The following FAM169A variants were observed in gnomAD, a reference collection of about 807,000 sequenced individuals.
The protein encoded by FAM169A is soluble lamin-associated protein of 75 kDa.
In FAM169A, 24 loss-of-function variants were observed where a neutral mutation model predicts 75.7. The ratio of observed to expected loss-of-function variants is 0.32; its 90% CI spans 0.23 to 0.45. The LOEUF (loss-of-function observed/expected upper bound fraction) is 0.45. Among genes scored for constraint, FAM169A ranks in the 20% least tolerant of loss-of-function variants. The pLI, the probability that FAM169A is intolerant of heterozygous loss-of-function variation, is 1.00. For missense variants in FAM169A, 673 were observed against 784.0 expected, an observed-to-expected ratio of 0.86 and a Z score of 1.69; for synonymous variants, 271 against 271.0, an observed-to-expected ratio of 1.00 and a Z score of 0.00.
chr5:74,844,039 T>C (rs1041026055), intron 1 of FAM169A, among the ~76,000 whole-genome samples: 8 of 152,142 alleles, frequency 5.3e-5, no homozygotes, highest in African/African-American at 1.9e-4. Context: ...CTCAGTTTCT[T>C]CCAAATATAT....
At chr5:74,818,351 A>G (rs887030869) in intron 5 of FAM169A, among the ~76,000 whole-genome samples, 3 of 152,210 alleles carry the variant, frequency 2.0e-5, no homozygotes, top group Admixed American at 1.3e-4. Context: ...AGTGGTTTCA[A>G]GGGACTGTGG....
At chr5:74,788,354 G>C (rs1745801599) in intron 11 of FAM169A, among the ~76,000 whole-genome samples, 1 of 152,108 alleles carries the variant, frequency 6.6e-6, no homozygotes, top group African/African-American at 2.4e-5. Flanking sequence ...GGTGGGGTGA[G>C]GGCTATTATG....
At chr5:74,808,584 T>A (rs1747009530) in intron 6 of FAM169A, among the ~76,000 whole-genome samples, 1 of 152,178 alleles carries the variant, frequency 6.6e-6, no homozygotes, top group South Asian at 2.1e-4. Flanking sequence ...ACACTGTGCA[T>A]AAGAGCCACT....
chr5:74,843,217 T>G (rs2112682637), intron 1 of FAM169A, among the ~76,000 whole-genome samples: 1 of 152,160 alleles, frequency 6.6e-6, no homozygotes. Context: ...TTCCTGAAAG[T>G]GAACAAGACA....
intron 5 of FAM169A, among the ~76,000 whole-genome samples, chr5:74,832,869 A>G (rs1025545410): frequency 6.6e-6 from 1 of 152,008 alleles, no homozygotes; most frequent in African/African-American, 2.4e-5. Flanking sequence ...GGAAAGAACT[A>G]AAATAGTAAA....
At position 74,778,581 on chromosome 5, in the gene FAM169A, A is replaced by C. The variant is rs2112436526; in HGVS notation, c.*2879T>G. 1 of 133,924 alleles carries C rather than the reference A, an allele frequency of 7.5e-6. No homozygotes were observed. The highest frequency in any genetic ancestry group is 1.5e-5 in the Non-Finnish European group (1 of 65,790). The allele number at this position is 133,924 out of a possible 1,614,324, so 8.3% of individuals were successfully genotyped here. A position where few individuals can be genotyped will look rare whatever the true frequency, so the allele number is the denominator to read the frequency against. On this transcript the variant is annotated 3_prime_UTR_variant, in exon 13 of 13. Coordinates refer to ENST00000687041, the MANE Select transcript of FAM169A (RefSeq NM_001376049.1). Reference sequence around the variant, plus strand: ...AAGTAGAAGACTGACGTTCTAAATCATGCTGTTTGATTTTATAAAAAAATC... The same window carrying C: ...AAGTAGAAGACTGACGTTCTAAATCCTGCTGTTTGATTTTATAAAAAAATC...
At chr5:74,831,890 T>C (rs533812554) in intron 5 of FAM169A, among the ~76,000 whole-genome samples, 43 of 152,228 alleles carry the variant, frequency 2.8e-4, no homozygotes, top group African/African-American at 1.0e-3. Flanking sequence ...TAACCATGAC[T>C]TGAAATCAGT....
chr5:74,795,845 A>T (rs553664096), intron 11 of FAM169A, among the ~76,000 whole-genome samples, 185 bp downstream of exon 11: 1 of 152,214 alleles, frequency 6.6e-6, no homozygotes. Flanking sequence ...AAACACAATC[A>T]TATTTGTAAT....
chr5:74,831,989 G>C (rs1748334882), intron 5 of FAM169A, among the ~76,000 whole-genome samples: 1 of 151,996 alleles, frequency 6.6e-6, no homozygotes, highest in Admixed American at 6.6e-5. Context: ...GTTGGTCAAG[G>C]AAGTAAAAAC....
intron 11 of FAM169A, among the ~76,000 whole-genome samples, chr5:74,794,736 G>A (rs1399070930): frequency 3.5e-5 from 5 of 143,186 alleles, no homozygotes; most frequent in African/African-American, 8.0e-5. Flanking sequence ...CCGAGATCGC[G>A]CCACTGCACT....
rs546230515 is a variant in FAM169A, at chr5:74,837,939, G to A, written c.318+1026C>T. On this transcript the variant is annotated intron_variant, in intron 4 of 12. Coordinates refer to ENST00000687041, the MANE Select transcript of FAM169A (RefSeq NM_001376049.1). ...TCGAGACCAGCCTGACCAACATGGA[G>A]AAACATCGTCGCTACTAAAAATACA... Among the ~76,000 whole-genome samples, 16 of 151,840 alleles carry A rather than the reference G, an allele frequency of 1.1e-4. No individual in the cohort carries two copies. In the East Asian group the frequency reaches 1.4e-3, roughly 13 times the overall value.
intron 7 of FAM169A, 74 bp downstream of exon 7, chr5:74,805,082 A>T (rs1393349687): frequency 1.5e-6 from 2 of 1,308,318 alleles, no homozygotes; most frequent in Non-Finnish European, 2.2e-6. Flanking sequence ...TTTAAACTGG[A>T]CTTATGGGCC....
intron 2 of FAM169A, among the ~76,000 whole-genome samples, chr5:74,840,807 C>A (rs185229999): frequency 2.0e-5 from 3 of 147,282 alleles, no homozygotes; most frequent in Admixed American, 6.8e-5. Flanking sequence ...CCAACCTGGG[C>A]GACAGACCGA....
chr5:74,785,445 C>T (rs1745649531), intron 11 of FAM169A, among the ~76,000 whole-genome samples: 1 of 152,066 alleles, frequency 6.6e-6, no homozygotes, highest in Non-Finnish European at 1.5e-5. Context: ...TCCCAATTTT[C>T]TACAATAAAA....
At chr5:74,793,950 CCGAG>C (rs2112497621) in intron 11 of FAM169A, among the ~76,000 whole-genome samples, 1 of 148,190 alleles carries the variant, frequency 6.7e-6, no homozygotes, top group South Asian at 2.2e-4. Flanking sequence ...TTGCAGTGAG[CCGAG>C]ATTGTGCCAC....
At chr5:74,782,834 T>G in intron 12 of FAM169A, 97 bp downstream of exon 12, 6 of 758,634 alleles carry the variant, frequency 7.9e-6, no homozygotes, top group Non-Finnish European at 1.3e-5. Flanking sequence ...GCACTGTACA[T>G]GTAAAGGTGG....
intron 1 of FAM169A, among the ~76,000 whole-genome samples, chr5:74,846,228 C>CA (rs1749149768): frequency 1.3e-5 from 2 of 152,176 alleles, no homozygotes; most frequent in African/African-American, 2.4e-5. Context: ...TCAAAAGATT[C>CA]ACTTGAATAT....
chr5:74,805,524 C>CTTTTTTTTTGTTTTTTTTTTTTTTTTTTT (rs1746824208), intron 6 of FAM169A, among the ~76,000 whole-genome samples: 1 of 81,934 alleles, frequency 1.2e-5, no homozygotes, highest in African/African-American at 5.4e-5. Context: ...ATGTGCTTCG[C>CTTTTTTTTTGTTTTTTTTTTTTTTTTTTT]TTTTTTTTTT....
chr5:74,841,715 A>G, intron 1 of FAM169A, 36 bp from the exon 2 acceptor site: 1 of 1,553,370 alleles, frequency 6.4e-7, no homozygotes. Flanking sequence ...AATTCAGAAT[A>G]TGAAACGCCA....
Sources: gnomAD v4.1 joint callset for allele counts (sites outside exome capture counted in the v4.1 genomes callset) on GRCh38, gnomAD v4.1.1 for gene constraint, MANE v1.5 for transcripts, NCBI Gene and HGNC (gene_info 2026-07-23, HGNC 2026-07-21) for gene names.